Variants in METTL15 observed in about 807,000 individuals in gnomAD.
The protein encoded by METTL15 is methyltransferase 15, mitochondrial 12S rRNA N4-cytidine.
Under a neutral mutation model 38.3 loss-of-function variants are expected in METTL15, and 34 were observed. That is an observed-to-expected ratio of 0.89 (90% confidence interval 0.68 to 1.18). The LOEUF (loss-of-function observed/expected upper bound fraction) is 1.18. Among genes scored for constraint, METTL15 ranks in the 50% most tolerant of loss-of-function variants. The pLI is 0.00. For missense variants in METTL15, 438 were observed against 498.4 expected (o/e 0.88, Z 1.15); for synonymous variants, 162 against 170.9 (o/e 0.95, Z 0.41).
At chr11:28,518,782 C>T (rs953650404) in intron 6 of METTL15, among the ~76,000 whole-genome samples, 48 of 152,190 alleles carry the variant, frequency 3.2e-4, no homozygotes, top group African/African-American at 1.1e-3. Flanking sequence ...AGAAGCCCCC[C>T]AGAAGGGCTC....
intron 3 of METTL15, among the ~76,000 whole-genome samples, chr11:28,161,020 T>G (rs951078471): frequency 2.0e-5 from 3 of 148,828 alleles, no homozygotes; most frequent in African/African-American, 7.4e-5. Flanking sequence ...TTGAAAGAAA[T>G]AAAAGCAAAG....
intron 4 of METTL15, among the ~76,000 whole-genome samples, chr11:28,238,069 G>T (rs1397003646): frequency 6.6e-6 from 1 of 152,208 alleles, no homozygotes; most frequent in Non-Finnish European, 1.5e-5. Flanking sequence ...GGACCCACTT[G>T]AGGAGGCAGT....
chr11:28,170,377 G>A (rs761823858), intron 3 of METTL15, among the ~76,000 whole-genome samples: 2 of 152,062 alleles, frequency 1.3e-5, no homozygotes, highest in Non-Finnish European at 2.9e-5. Context: ...TAGCGGAAAG[G>A]GATCTCAATC....
intron 3 of METTL15, among the ~76,000 whole-genome samples, chr11:28,132,143 C>CTA (rs1849359491): frequency 6.6e-6 from 1 of 152,136 alleles, no homozygotes; most frequent in Non-Finnish European, 1.5e-5. Flanking sequence ...ATGGAAATCA[C>CTA]TATGATTAGC....
chr11:28,230,625 A>G (rs1021088712), intron 4 of METTL15, among the ~76,000 whole-genome samples: 16 of 152,048 alleles, frequency 1.1e-4, no homozygotes, highest in African/African-American at 3.6e-4. Context: ...TGAGTTATTA[A>G]AAGAGTGAAA....
chr11:28,109,010 A>G (rs1409672060), intron 1 of METTL15, among the ~76,000 whole-genome samples: 1 of 152,196 alleles, frequency 6.6e-6, no homozygotes, highest in East Asian at 1.9e-4. Context: ...CCATTTAGCA[A>G]TTATTTAGAT....
At chr11:28,370,609 T>C (rs991926394) in intron 5 of METTL15, among the ~76,000 whole-genome samples, 2 of 152,194 alleles carry the variant, frequency 1.3e-5, no homozygotes, top group African/African-American at 4.8e-5. Flanking sequence ...AGTTCTATTT[T>C]TGTTTTTTTG....
intron 4 of METTL15, among the ~76,000 whole-genome samples, chr11:28,230,954 A>G (rs1168850602): frequency 6.6e-6 from 1 of 151,948 alleles, no homozygotes; most frequent in Admixed American, 6.6e-5. Flanking sequence ...TCATTGTCTA[A>G]TAGATAGACA....
intron 5 of METTL15, among the ~76,000 whole-genome samples, chr11:28,387,836 A>G (rs1850456556): frequency 6.6e-6 from 1 of 152,128 alleles, no homozygotes; most frequent in Non-Finnish European, 1.5e-5. Context: ...TTAGTCCTGC[A>G]ATGCAAATAT....
chr11:28,451,283 T>C (rs1851118163), intron 6 of METTL15, among the ~76,000 whole-genome samples: 1 of 151,678 alleles, frequency 6.6e-6, no homozygotes, highest in Non-Finnish European at 1.5e-5. Flanking sequence ...AAAGGAAAAT[T>C]AATTTGAAAA....
chr11:28,329,107 T>A (rs777665416), intron 6 of METTL15, among the ~76,000 whole-genome samples: 1 of 152,110 alleles, frequency 6.6e-6, no homozygotes, highest in Non-Finnish European at 1.5e-5. Flanking sequence ...TACAGTTAGG[T>A]CTTTGATCCA....
At chr11:28,257,376 G>T (rs988690093) in intron 4 of METTL15, among the ~76,000 whole-genome samples, 1 of 152,114 alleles carries the variant, frequency 6.6e-6, no homozygotes, top group East Asian at 1.9e-4. Context: ...TCTTCTTTGG[G>T]TTAAATCTGT....
chr11:28,397,476 A>T (rs1312029465), intron 5 of METTL15, among the ~76,000 whole-genome samples: 1 of 152,210 alleles, frequency 6.6e-6, no homozygotes, highest in Non-Finnish European at 1.5e-5. Flanking sequence ...CAGCCAAAAG[A>T]CACATGAAAA....
intron 6 of METTL15, 98 bp downstream of exon 6, chr11:28,297,029 A>C: frequency 8.0e-7 from 1 of 1,256,462 alleles, no homozygotes; most frequent in Non-Finnish European, 1.1e-6. Context: ...GTGTGTGTGC[A>C]TTAATCCCCC....
intron 6 of METTL15, among the ~76,000 whole-genome samples, chr11:28,493,321 G>A (rs933409003): frequency 3.9e-5 from 6 of 152,084 alleles, no homozygotes; most frequent in African/African-American, 1.4e-4. Flanking sequence ...CCTCTGTTCT[G>A]TCATGTCTCA....
chr11:28,294,601 A>G (rs926048538), intron 5 of METTL15, among the ~76,000 whole-genome samples: 1 of 152,104 alleles, frequency 6.6e-6, no homozygotes, highest in African/African-American at 2.4e-5. Flanking sequence ...ACTGGAAGGT[A>G]ATTAATTGTG....
At chr11:28,530,281 C>G (rs534977404), downstream of METTL15, among the ~76,000 whole-genome samples, 6 of 152,218 alleles carry the variant, frequency 3.9e-5, no homozygotes, top group Middle Eastern at 3.4e-3. Flanking sequence ...ATGCAAAAGA[C>G]ATAAAACAAT....
chr11:28,231,157 A>T (rs1256086398), intron 4 of METTL15, among the ~76,000 whole-genome samples: 1 of 151,926 alleles, frequency 6.6e-6, no homozygotes, highest in Non-Finnish European at 1.5e-5. Flanking sequence ...ACAGCTGGAT[A>T]AAAAGGTCAA....
chr11:28,343,519 T>G (rs1564901609), intron 3 of METTL15, among the ~76,000 whole-genome samples: 1 of 152,232 alleles, frequency 6.6e-6, no homozygotes, highest in Non-Finnish European at 1.5e-5. Context: ...CAGCACTGTT[T>G]GGGCCTGGGA....
Sources: gnomAD v4.1 joint callset for allele counts (sites outside exome capture counted in the v4.1 genomes callset) on GRCh38, gnomAD v4.1.1 for gene constraint, MANE v1.5 for transcripts, NCBI Gene and HGNC (gene_info 2026-07-23, HGNC 2026-07-21) for gene names.